ZCWPW2: variants seen among roughly 807,000 people sequenced by gnomAD.
The protein encoded by ZCWPW2 is zinc finger CW-type and PWWP domain containing 2.
A neutral mutation model predicts 46.6 loss-of-function variants in ZCWPW2; 45 were observed. That is an observed-to-expected ratio of 0.96 (90% CI 0.76 to 1.24). The LOEUF is 1.24. Ranked by LOEUF, ZCWPW2 falls within the 50% of genes most tolerant of loss-of-function variation. The probability of loss-of-function intolerance (pLI) is 0.00; values close to 1 mark genes in which losing one functional copy is unlikely to be tolerated. For synonymous variants in ZCWPW2, 152 were observed against 137.1 expected, an observed-to-expected ratio of 1.11 and a Z score of -0.76; for missense variants, 429 against 403.9, an observed-to-expected ratio of 1.06 and a Z score of -0.53.
intron 4 of ZCWPW2, among the ~76,000 whole-genome samples, chr3:28,439,087 A>ATATGTG (rs1697619208): frequency 2.1e-5 from 3 of 141,736 alleles, no homozygotes; most frequent in African/African-American, 5.8e-5. Flanking sequence ...ACATATATAT[A>ATATGTG]CACATATATA....
At chr3:28,387,577 A>G (rs1695322408) in intron 1 of ZCWPW2, among the ~76,000 whole-genome samples, 2 of 152,164 alleles carry the variant, frequency 1.3e-5, no homozygotes, top group South Asian at 4.1e-4. Context: ...GTTTTTTCAA[A>G]TATTAACATT....
chr3:28,438,013 C>T (rs528557720), intron 4 of ZCWPW2, among the ~76,000 whole-genome samples: 1 of 152,324 alleles, frequency 6.6e-6, no homozygotes, highest in Non-Finnish European at 1.5e-5. Flanking sequence ...TTTCCATCAA[C>T]TTCAGCTCTT....
chr3:28,443,801 T>G (rs543698161), intron 4 of ZCWPW2, among the ~76,000 whole-genome samples: 1 of 152,328 alleles, frequency 6.6e-6, no homozygotes, highest in Admixed American at 6.5e-5. Context: ...AAATTGCAGA[T>G]GCTGCCCTCA....
At chr3:28,450,507 T>C (rs1006826909) in intron 4 of ZCWPW2, among the ~76,000 whole-genome samples, 9 of 152,226 alleles carry the variant, frequency 5.9e-5, no homozygotes, top group African/African-American at 2.2e-4. Flanking sequence ...TTCTTGGGCA[T>C]AAATAATGTA....
At chr3:28,381,933 T>G (rs1050588298) in intron 1 of ZCWPW2, among the ~76,000 whole-genome samples, 1 of 152,044 alleles carries the variant, frequency 6.6e-6, no homozygotes, top group African/African-American at 2.4e-5. Context: ...GAGGCCAAGG[T>G]GGGCGGATCA....
chr3:28,390,637 C>T lies in ZCWPW2; in HGVS notation c.-14+20C>T. The T allele has an allele frequency of 3.0e-6, 3 of 985,360 alleles. No homozygotes were observed. The highest frequency in any genetic ancestry group is 3.6e-6 in the Non-Finnish European group (3 of 829,908). The allele number at this position is 985,360 out of a possible 1,614,324, so 61.0% of individuals were successfully genotyped here. A position where few individuals can be genotyped will look rare whatever the true frequency, so the allele number is the denominator to read the frequency against. On this transcript the variant is annotated intron_variant, in intron 2 of 9. Coordinates refer to ENST00000383768, the MANE Select transcript of ZCWPW2 (RefSeq NM_001040432.4). ...AACTCCGTAAGTACTTGAGAAACTC[C>T]AAAATGTTTTTCTCTAGTACATAAG... is the stretch of plus-strand genomic sequence containing the variant.
rs1575107393 is a variant in ZCWPW2, at chr3:28,413,138, A to G, written c.70A>G (p.Met24Val). The G allele has an allele frequency of 1.2e-6, 2 of 1,613,256 alleles. No individual in the cohort carries two copies. Among genetic ancestry groups the G allele is most frequent in the Non-Finnish European group, 1.7e-6 (2 of 1,179,478 alleles). The change falls in exon 3 of 10, where the codon ATG (methionine) becomes GTG (valine). Residue 24 changes from methionine (M) to valine (V), a missense_variant. Coordinates refer to ENST00000383768, the MANE Select transcript of ZCWPW2 (RefSeq NM_001040432.4). ...NYAMDSSVEN[M>V]YVNKVWVQCE... Reference sequence around the variant, plus strand: ...TGCAATGGATTCCTCAGTGGAAAACATGTATGTAAACAAAGTGTGGGTTCA... The same window carrying G: ...TGCAATGGATTCCTCAGTGGAAAACGTGTATGTAAACAAAGTGTGGGTTCA...
At chr3:28,414,713 T>C (rs983574986) in intron 3 of ZCWPW2, among the ~76,000 whole-genome samples, 3 of 98,984 alleles carry the variant, frequency 3.0e-5, no homozygotes, top group African/African-American at 1.2e-4. Flanking sequence ...CGGTGTTTGG[T>C]TTTTTGTCCT....
chr3:28,422,608 T>C (rs1353310079), intron 3 of ZCWPW2, among the ~76,000 whole-genome samples: 3 of 152,208 alleles, frequency 2.0e-5, no homozygotes, highest in Non-Finnish European at 4.4e-5. Context: ...AACTTATCTA[T>C]CCATTCACCT....
intron 3 of ZCWPW2, among the ~76,000 whole-genome samples, chr3:28,414,389 T>C (rs1215886597): frequency 1.3e-5 from 2 of 152,026 alleles, no homozygotes; most frequent in Non-Finnish European, 2.9e-5. Flanking sequence ...TGTGCAGGTT[T>C]GTTGTATAGG....
intron 5 of ZCWPW2, among the ~76,000 whole-genome samples, chr3:28,490,905 A>AT (rs569738151): frequency 6.6e-6 from 1 of 152,146 alleles, no homozygotes; most frequent in African/African-American, 2.4e-5. Context: ...AATTACATTA[A>AT]TTTTTTAAGG....
chr3:28,480,110 A>T (rs1015087209), intron 5 of ZCWPW2, among the ~76,000 whole-genome samples: 3 of 152,092 alleles, frequency 2.0e-5, no homozygotes, highest in Non-Finnish European at 2.9e-5. Context: ...GGGTTGAATG[A>T]TATTTCTGCC....
intron 1 of ZCWPW2, among the ~76,000 whole-genome samples, chr3:28,352,061 G>A (rs1290362479): frequency 6.6e-6 from 1 of 150,706 alleles, no homozygotes; most frequent in African/African-American, 2.4e-5. Context: ...TGTTTTCCCT[G>A]TACTTTCTCC....
chr3:28,364,876 G>C (rs1705072238), intron 1 of ZCWPW2, among the ~76,000 whole-genome samples: 2 of 152,084 alleles, frequency 1.3e-5, no homozygotes, highest in South Asian at 4.1e-4. Context: ...GTGTGAGATG[G>C]TATCTCACTG....
chr3:28,440,538 A>C lies in ZCWPW2; in HGVS notation c.492+5269A>C, dbSNP rs141001925. Among the ~76,000 whole-genome samples the C allele has an allele frequency of 2.5e-3, 385 of 152,294 alleles. 1 individual carries two copies. Among genetic ancestry groups the C allele is most frequent in the African/African-American group, 8.4e-3 (349 of 41,558 alleles). On this transcript the variant is annotated intron_variant, in intron 4 of 9. Transcript: ENST00000383768. ...CAGAACATATGCAGCCTTCTGGAGA[A>C]CTTTGGCCAAGCCCTGCAAAGTATT... is the stretch of plus-strand genomic sequence containing the variant.
chr3:28,478,889 C>T lies in ZCWPW2; in HGVS notation c.568C>T (p.His190Tyr), dbSNP rs201069462. 8.0e-5 allele frequency: 127 copies of T among 1,587,668 alleles called. No homozygotes were observed. The East Asian group carries it at 2.8e-3, about 35-fold the overall frequency. The change falls in exon 5 of 10, where the codon CAT (histidine) becomes TAT (tyrosine). Residue 190 changes from histidine to tyrosine, a missense_variant. By Grantham distance (83) the His-to-Tyr change is moderately conservative (BLOSUM62 2). Coordinates refer to ENST00000383768, the MANE Select transcript of ZCWPW2 (RefSeq NM_001040432.4). ...QEACLLYGYS[H>Y]EQRLEMCCLS... ...AGCATGTCTACTCTATGGATATTCT[C>T]ATGAGCAAAGACTGGAAATGTGCTG... is the stretch of plus-strand genomic sequence containing the variant.
At chr3:28,478,296 T>C in intron 4 of ZCWPW2, 1 of 318,500 alleles carries the variant, frequency 3.1e-6, no homozygotes, top group Non-Finnish European at 6.5e-6. Context: ...TAGACTGGAG[T>C]GCAGTGGCAC....
intron 5 of ZCWPW2, among the ~76,000 whole-genome samples, chr3:28,480,882 T>C (rs1575186034): frequency 8.4e-6 from 1 of 119,412 alleles, no homozygotes; most frequent in Non-Finnish European, 1.9e-5. Context: ...TTTTTTTTTT[T>C]TGAGACAGAG....
intron 1 of ZCWPW2, among the ~76,000 whole-genome samples, chr3:28,378,057 A>G (rs1387109540): frequency 6.6e-6 from 1 of 152,044 alleles, no homozygotes; most frequent in African/African-American, 2.4e-5. Context: ...GATCTTTATT[A>G]AGCTTCTTGG....
Sources: allele counts gnomAD v4.1 joint callset (sites outside exome capture counted in the v4.1 genomes callset), GRCh38; gene constraint gnomAD v4.1.1; transcripts MANE v1.5; gene names NCBI Gene and HGNC (gene_info 2026-07-23, HGNC 2026-07-21).